The following CADPS variants were observed in gnomAD, a reference collection of about 807,000 sequenced individuals.
CADPS encodes calcium-dependent secretion activator 1.
CADPS carries 57 observed loss-of-function variants against 167.3 expected under a neutral mutation model. The ratio of observed to expected loss-of-function variants is 0.34; its 90% CI spans 0.28 to 0.42. The LOEUF is 0.42. Ranked by LOEUF, CADPS falls within the 20% of genes least tolerant of loss-of-function variation. The pLI is 1.00. For synonymous variants in CADPS, 676 were observed against 635.3 expected, an observed-to-expected ratio of 1.06 and a Z score of -0.96; for missense variants, 1,414 against 1,738.1, an observed-to-expected ratio of 0.81 and a Z score of 3.32.
chr3:62,837,542 G>A (rs994848782), intron 1 of CADPS, among the ~76,000 whole-genome samples: 2 of 152,170 alleles, frequency 1.3e-5, no homozygotes, highest in Non-Finnish European at 2.9e-5. Flanking sequence ...TTCATGGCTG[G>A]GGCACTCAGT....
intron 6 of CADPS, among the ~76,000 whole-genome samples, chr3:62,608,357 A>C (rs562657582): frequency 4.2e-4 from 64 of 150,748 alleles, no homozygotes; most frequent in Admixed American, 8.0e-4. Flanking sequence ...ATCTCGGCTC[A>C]CGTCAACCTC....
intron 6 of CADPS, among the ~76,000 whole-genome samples, chr3:62,612,709 G>A (rs796678135): frequency 2.0e-5 from 3 of 152,318 alleles, no homozygotes; most frequent in African/African-American, 7.2e-5. Context: ...ATAGAGAATG[G>A]GAGACAAGAG....
At chr3:62,578,437 T>C (rs1174596449) in intron 8 of CADPS, among the ~76,000 whole-genome samples, 1 of 151,668 alleles carries the variant, frequency 6.6e-6, no homozygotes, top group Non-Finnish European at 1.5e-5. Flanking sequence ...GGTGAAACCC[T>C]GTCTGTACTA....
intron 1 of CADPS, among the ~76,000 whole-genome samples, chr3:62,863,730 T>C (rs1011435667): frequency 6.6e-6 from 1 of 152,240 alleles, no homozygotes; most frequent in Admixed American, 6.5e-5. Flanking sequence ...TTCTCAGCCA[T>C]TGTTTGAAAC....
At chr3:62,429,794 A>T (rs1185038367) in intron 28 of CADPS, among the ~76,000 whole-genome samples, 1 of 152,170 alleles carries the variant, frequency 6.6e-6, no homozygotes, top group African/African-American at 2.4e-5. Context: ...GTAACAGAGC[A>T]ATCAGCTTGG....
intron 28 of CADPS, among the ~76,000 whole-genome samples, chr3:62,423,515 A>G (rs1003340136): frequency 2.6e-5 from 4 of 152,254 alleles, no homozygotes; most frequent in Non-Finnish European, 4.4e-5. Flanking sequence ...TAGGAAGCAC[A>G]TATTTGAATA....
chr3:62,814,353 A>G (rs2094517594), intron 1 of CADPS: 1 of 152,180 alleles, frequency 6.6e-6, no homozygotes, highest in Non-Finnish European at 1.5e-5. Flanking sequence ...TAGCCACAAC[A>G]TTATCATTTA....
At chr3:62,567,035 G>A (rs1577948848) in intron 9 of CADPS, among the ~76,000 whole-genome samples, 1 of 152,184 alleles carries the variant, frequency 6.6e-6, no homozygotes, top group African/African-American at 2.4e-5. Context: ...TTATTAGAAG[G>A]CTCAGTGTGA....
chr3:62,642,996 T>C (rs986991698), intron 6 of CADPS, among the ~76,000 whole-genome samples: 1 of 151,490 alleles, frequency 6.6e-6, no homozygotes, highest in African/African-American at 2.4e-5. Context: ...CAAAACCACT[T>C]GGAGGTAGAG....
chr3:62,772,214 T>G lies in CADPS; in HGVS notation c.442-6230A>C, dbSNP rs531225963. 2.0e-5 allele frequency among the ~76,000 whole-genome samples: 3 copies of G among 152,348 alleles called. No individual in the cohort carries two copies. In the South Asian group the frequency reaches 6.2e-4, roughly 32 times the overall value. ...ATCTTTTATCTTCTTTCAATGCTTT[T>G]TTTATTTACTCAGCCTTTTGAAGGT... On this transcript the variant is annotated intron_variant, in intron 1 of 29. Transcript: ENST00000383710.
chr3:62,653,548 T>C (rs2070773425), intron 4 of CADPS, among the ~76,000 whole-genome samples: 1 of 152,106 alleles, frequency 6.6e-6, no homozygotes, highest in African/African-American at 2.4e-5. Context: ...GTGGAATTTG[T>C]TTAATTTCTG....
intron 17 of CADPS, among the ~76,000 whole-genome samples, chr3:62,511,838 T>C (rs1044095133): frequency 2.6e-5 from 4 of 152,174 alleles, no homozygotes; most frequent in African/African-American, 4.8e-5. Flanking sequence ...ACATAGTCTC[T>C]GGCTTTTAAC....
At chr3:62,774,145 A>T (rs554078160) in intron 1 of CADPS, among the ~76,000 whole-genome samples, 67 of 152,140 alleles carry the variant, frequency 4.4e-4, no homozygotes, top group Non-Finnish European at 8.4e-4. Flanking sequence ...TGGATTGAAG[A>T]TCAAAAGAGA....
chr3:62,681,237 C>T (rs2077116891), intron 3 of CADPS, among the ~76,000 whole-genome samples: 1 of 152,086 alleles, frequency 6.6e-6, no homozygotes, highest in South Asian at 2.1e-4. Context: ...AGGTTTTTCA[C>T]CACAGCCTGT....
intron 17 of CADPS, chr3:62,500,088 ACT>A (rs1045434773): frequency 6.6e-6 from 1 of 152,166 alleles, no homozygotes; most frequent in African/African-American, 2.4e-5. Flanking sequence ...AAAATTACAA[ACT>A]TTTTTCCTTT....
chr3:62,834,766 G>A (rs1312538472), intron 1 of CADPS, among the ~76,000 whole-genome samples: 1 of 152,078 alleles, frequency 6.6e-6, no homozygotes, highest in African/African-American at 2.4e-5. Flanking sequence ...TTCCCTGGAG[G>A]CATCAAAATT....
At chr3:62,625,416 T>C (rs5011096) in intron 6 of CADPS, 132,728 of 147,470 alleles carry the variant, frequency 0.9, 60,006 homozygotes, top group East Asian at 0.99. Context: ...CGCACACACA[T>C]GCACACACAT....
At chr3:62,786,712 A>G (rs899538205) in intron 1 of CADPS, among the ~76,000 whole-genome samples, 1 of 152,146 alleles carries the variant, frequency 6.6e-6, no homozygotes, top group Admixed American at 6.5e-5. Flanking sequence ...ATTGTAAATC[A>G]TCTTATAAAC....
chr3:62,432,613 A>G (rs1482846625), intron 28 of CADPS, among the ~76,000 whole-genome samples: 1 of 152,170 alleles, frequency 6.6e-6, no homozygotes, highest in Admixed American at 6.5e-5. Context: ...TGATGATGAT[A>G]GTGATGATGA....
Sources: allele counts gnomAD v4.1 joint callset (sites outside exome capture counted in the v4.1 genomes callset), GRCh38; gene constraint gnomAD v4.1.1; transcripts MANE v1.5; gene names NCBI Gene and HGNC (gene_info 2026-07-23, HGNC 2026-07-21).